The following C19orf38 variants were observed in gnomAD, a reference collection of about 807,000 sequenced individuals.
C19orf38 encodes the protein chromosome 19 open reading frame 38.
In C19orf38, 14 loss-of-function variants were observed where a neutral mutation model predicts 26.6. That is an observed-to-expected ratio of 0.53 (90% CI 0.35 to 0.82). The LOEUF (loss-of-function observed/expected upper bound fraction) is 0.82, where lower values mean the gene tolerates loss of function less well. C19orf38 is among the 40% of genes least tolerant of loss of function. The probability of loss-of-function intolerance (pLI) is 0.01; values close to 1 mark genes in which losing one functional copy is unlikely to be tolerated. For synonymous variants in C19orf38, 132 were observed against 128.5 expected (o/e 1.03, Z -0.18); for missense variants, 261 against 299.5 (o/e 0.87, Z 0.95).
At chr19:10,859,498 T>C (rs1479023380) in intron 4 of C19orf38, among the ~76,000 whole-genome samples, 1 of 150,226 alleles carries the variant, frequency 6.7e-6, no homozygotes, top group Non-Finnish European at 1.5e-5. Context: ...TTCTCCTGCC[T>C]CAGACTCCTG....
intron 1 of C19orf38, among the ~76,000 whole-genome samples, 186 bp downstream of exon 1, chr19:10,848,725 T>G (rs1055185674): frequency 1.3e-5 from 2 of 152,132 alleles, no homozygotes; most frequent in African/African-American, 4.8e-5. Context: ...GGTTTTTTCT[T>G]CTTAGGCTCC....
chr19:10,866,474 G>A (rs572546726), intron 6 of C19orf38, among the ~76,000 whole-genome samples: 7 of 150,908 alleles, frequency 4.6e-5, no homozygotes, highest in Non-Finnish European at 1.0e-4. Flanking sequence ...CCAAAGTGCT[G>A]GGATTACAGG....
chr19:10,866,628 G>C (rs954897838), intron 6 of C19orf38, among the ~76,000 whole-genome samples: 11 of 151,950 alleles, frequency 7.2e-5, no homozygotes, highest in Admixed American at 2.0e-4. Context: ...TTGGATTACA[G>C]GCACATGCCA....
At chr19:10,846,967 T>G (rs1402878653), upstream of C19orf38, among the ~76,000 whole-genome samples, 1 of 152,176 alleles carries the variant, frequency 6.6e-6, no homozygotes, top group African/African-American at 2.4e-5. Context: ...AGGGAAATAG[T>G]GTGTGCAAAG....
intron 1 of C19orf38, among the ~76,000 whole-genome samples, chr19:10,842,495 C>G (rs576062246): frequency 1.3e-5 from 2 of 151,972 alleles, no homozygotes; most frequent in African/African-American, 4.8e-5. Flanking sequence ...CTCCTGACCT[C>G]GTGATCCGTC....
chr19:10,853,500 G>A (rs910678602), intron 2 of C19orf38, among the ~76,000 whole-genome samples: 3 of 151,102 alleles, frequency 2.0e-5, no homozygotes, highest in Non-Finnish European at 4.4e-5. Flanking sequence ...TGGCCAGGCT[G>A]CTCTCAAACT....
chr19:10,837,831 G>T (rs938768832), intron 1 of C19orf38, among the ~76,000 whole-genome samples: 1 of 148,732 alleles, frequency 6.7e-6, no homozygotes, highest in African/African-American at 2.5e-5. Flanking sequence ...ACAGGGTCTT[G>T]CTCTGTTGCC....
chr19:10,860,226 A>C, intron 5 of C19orf38: 1 of 400,676 alleles, frequency 2.5e-6, no homozygotes. Context: ...CATTCTTCTT[A>C]CCCCTCGGTA....
upstream of C19orf38, among the ~76,000 whole-genome samples, chr19:10,845,484 G>C (rs960413799): frequency 6.6e-6 from 1 of 152,130 alleles, no homozygotes; most frequent in Non-Finnish European, 1.5e-5. Flanking sequence ...ATGGAAATAA[G>C]CAAATATTTC....
chr19:10,843,341 G>A lies in C19orf38; in HGVS notation c.-68-5100G>A, dbSNP rs2073492797. 2.6e-5 allele frequency among the ~76,000 whole-genome samples: 4 copies of A among 152,296 alleles called. No individual in the cohort carries two copies. The South Asian group carries it at 8.3e-4, about 32-fold the overall frequency. On this transcript the variant is annotated intron_variant, in intron 1 of 7. Transcript: ENST00000592854. ...TAAACTGTCTTTGGCTTGGAGGTGGGGTTTCACCAGGGACCTGCCCCTATC... is the reference window on the plus strand; with the variant it reads ...TAAACTGTCTTTGGCTTGGAGGTGGAGTTTCACCAGGGACCTGCCCCTATC...
chr19:10,844,449 G>T (rs142800699), upstream of C19orf38, among the ~76,000 whole-genome samples: 1,033 of 150,796 alleles, frequency 6.9e-3, 8 homozygotes, highest in African/African-American at 0.024. Flanking sequence ...GGTGGCTCAC[G>T]CCTGTAACCC....
chr19:10,860,826 G>A lies in C19orf38; in HGVS notation c.505+868G>A, dbSNP rs1196982190. Among the ~76,000 whole-genome samples the A allele has an allele frequency of 3.1e-5, 4 of 128,316 alleles. No homozygotes were observed. The East Asian group carries it at 1.0e-3, about 32-fold the overall frequency. The allele number at this position is 128,316 out of a possible 152,430, so 84.2% of individuals were successfully genotyped here. ...ACTGTACTCCAGCCTGGGCGACAGAGCGAGACTCCATCTCAAAAAAAAAAA... is the reference window on the plus strand; with the variant it reads ...ACTGTACTCCAGCCTGGGCGACAGAACGAGACTCCATCTCAAAAAAAAAAA... On this transcript the variant is annotated intron_variant, in intron 5 of 6. Transcript: ENST00000397820.
intron 2 of C19orf38, among the ~76,000 whole-genome samples, chr19:10,853,193 G>T (rs1430652272): frequency 6.6e-6 from 1 of 151,768 alleles, no homozygotes; most frequent in Non-Finnish European, 1.5e-5. Context: ...CTCCCTAGCA[G>T]CTGGGACTAC....
chr19:10,847,466 T>A (rs1294562790), upstream of C19orf38, among the ~76,000 whole-genome samples: 1 of 150,572 alleles, frequency 6.6e-6, no homozygotes, highest in Non-Finnish European at 1.5e-5. Context: ...CTCCATCTCC[T>A]GGGTTCAAGT....
chr19:10,860,014 C>T, intron 5 of C19orf38, 56 bp downstream of exon 5: 1 of 1,472,232 alleles, frequency 6.8e-7, no homozygotes, highest in Non-Finnish European at 9.3e-7. Context: ...CTCCAAATGC[C>T]ATCAGGCCTC....
At chr19:10,864,986 G>A (rs897494415) in intron 6 of C19orf38, among the ~76,000 whole-genome samples, 2 of 152,158 alleles carry the variant, frequency 1.3e-5, no homozygotes, top group Non-Finnish European at 2.9e-5. Context: ...GGCTTGGCAC[G>A]GGCCTGTGCA....
Position 10,850,365 on chromosome 19 carries a change from G to A in C19orf38, c.138G>A (p.Gly46=). Residue 46 remains glycine (G), a synonymous_variant, in exon 2 of 7, where the codon GGG becomes GGA. Transcript: ENST00000397820. ...IACMAPGNFP[G]ANFTLYRGGQ... ...GCATGGCCCCTGGGAACTTCCCGGGGGCGAATTTCACACTGTATCGAGGGG... is the reference window on the plus strand; with the variant it reads ...GCATGGCCCCTGGGAACTTCCCGGGAGCGAATTTCACACTGTATCGAGGGG... 1.3e-6 allele frequency: 2 copies of A among 1,551,236 alleles called. No individual in the cohort carries two copies. Among genetic ancestry groups the A allele is most frequent in the Non-Finnish European group, 1.7e-6 (2 of 1,146,818 alleles).
At chr19:10,857,366 A>ATATTTTTTTTTT (rs1433358051) in intron 3 of C19orf38, among the ~76,000 whole-genome samples, 2 of 56,080 alleles carry the variant, frequency 3.6e-5, no homozygotes, top group African/African-American at 3.4e-4. Context: ...ATATATATAT[A>ATATTTTTTTTTT]TTTTTTTTTT....
upstream of C19orf38, among the ~76,000 whole-genome samples, chr19:10,846,017 A>AT (rs34717522): frequency 0.031 from 4,430 of 143,380 alleles, 364 homozygotes; most frequent in East Asian, 0.35. Flanking sequence ...TGTCTCTACA[A>AT]TTTTTTTTTT....
Sources: allele counts gnomAD v4.1 joint callset (sites outside exome capture counted in the v4.1 genomes callset), GRCh38; gene constraint gnomAD v4.1.1; transcripts MANE v1.5; gene names NCBI Gene and HGNC (gene_info 2026-07-23, HGNC 2026-07-21).